The following ZFAT variants were observed in gnomAD, a reference collection of about 807,000 sequenced individuals.
ZFAT encodes zinc finger protein ZFAT.
A neutral mutation model predicts 117.7 loss-of-function variants in ZFAT; 64 were observed. The ratio of observed to expected loss-of-function variants is 0.54; its 90% CI spans 0.44 to 0.67. ZFAT has a LOEUF of 0.67. Among genes scored for constraint, ZFAT ranks in the 30% least tolerant of loss-of-function variants. The pLI is 0.00. For synonymous variants in ZFAT, 679 were observed against 615.0 expected (o/e 1.10, Z -1.54); for missense variants, 1,433 against 1,584.5 (o/e 0.90, Z 1.62).
chr8:134,572,693 C>A (rs1487199684), intron 10 of ZFAT, among the ~76,000 whole-genome samples: 2 of 152,104 alleles, frequency 1.3e-5, no homozygotes, highest in African/African-American at 4.8e-5. Context: ...TCATTCTGAG[C>A]CACACCTTGT....
intron 10 of ZFAT, among the ~76,000 whole-genome samples, chr8:134,581,595 G>C (rs866775914): frequency 6.6e-6 from 1 of 152,020 alleles, no homozygotes; most frequent in East Asian, 1.9e-4. Context: ...TTTTGGCAGG[G>C]GGGGTGTAGG....
the ZFAT span, among the ~76,000 whole-genome samples, chr8:134,826,895 C>T: frequency 5.3e-5 from 8 of 152,232 alleles, no homozygotes; most frequent in Admixed American, 3.3e-4. Flanking sequence ...TTTGTATTGA[C>T]GCTATAGGTA....
At chr8:134,818,550 A>C in the ZFAT span, among the ~76,000 whole-genome samples, 1 of 152,242 alleles carries the variant, frequency 6.6e-6, no homozygotes, top group Non-Finnish European at 1.5e-5. Flanking sequence ...CTAGGTAGGT[A>C]TAGAACATAT....
chr8:134,713,096 C>G, upstream of ZFAT: 2 of 432,540 alleles, frequency 4.6e-6, no homozygotes, highest in Non-Finnish European at 7.9e-6. Flanking sequence ...CTTCGGGTGA[C>G]CCTCCCCCGG....
chr8:134,819,318 C>T, the ZFAT span, among the ~76,000 whole-genome samples: 292 of 151,102 alleles, frequency 1.9e-3, 3 homozygotes, highest in African/African-American at 6.7e-3. Flanking sequence ...GTGAAGGATA[C>T]GGATTAAAAG....
At chr8:134,817,680 T>TA in the ZFAT span, among the ~76,000 whole-genome samples, 4 of 152,068 alleles carry the variant, frequency 2.6e-5, no homozygotes, top group African/African-American at 9.7e-5. Flanking sequence ...GCAAGCTTTT[T>TA]AAAAAAACTG....
chr8:134,681,469 A>G (rs182533470), intron 1 of ZFAT, among the ~76,000 whole-genome samples: 60 of 152,360 alleles, frequency 3.9e-4, no homozygotes, highest in Admixed American at 1.1e-3. Flanking sequence ...TAGGCACTCC[A>G]TAAGTGCTAG....
chr8:134,637,687 TCTCTTC>T lies in ZFAT; in HGVS notation c.216_221del (p.Lys73_Arg74del). On this transcript the variant is annotated inframe_deletion, in exon 3 of 16. Transcript: ENST00000377838. ...TCTTCGTGGACCCCTTAGGCCTGCCTCTCTTCCTCTTCATGACCAAAAACTCTACAG... is the reference window on the plus strand; with the variant it reads ...TCTTCGTGGACCCCTTAGGCCTGCCTCTCTTCATGACCAAAAACTCTACAG... 6.2e-7 allele frequency: 1 copy of T among 1,614,074 alleles called. No homozygotes were observed. Among genetic ancestry groups the T allele is most frequent in the Non-Finnish European group, 8.5e-7 (1 of 1,180,024 alleles).
intron 15 of ZFAT, among the ~76,000 whole-genome samples, chr8:134,503,915 A>AACAC (rs144794990): frequency 6.7e-6 from 1 of 149,228 alleles, no homozygotes; most frequent in African/African-American, 2.4e-5. Context: ...TTTGAACACA[A>AACAC]ACACACACAC....
At chr8:134,808,720 C>T in the ZFAT span, among the ~76,000 whole-genome samples, 5 of 152,156 alleles carry the variant, frequency 3.3e-5, no homozygotes, top group East Asian at 3.9e-4. Context: ...TTATTTGTAC[C>T]GCATGCTCAC....
chr8:134,676,856 T>A (rs1347718242), intron 1 of ZFAT, among the ~76,000 whole-genome samples: 1 of 152,112 alleles, frequency 6.6e-6, no homozygotes, highest in East Asian at 1.9e-4. Flanking sequence ...ACTGGGTACA[T>A]CACAAAATGA....
upstream of ZFAT, among the ~76,000 whole-genome samples, chr8:134,716,182 C>T (rs6992292): frequency 0.044 from 6,553 of 149,466 alleles, 497 homozygotes; most frequent in African/African-American, 0.15. Context: ...CACACACACA[C>T]ATATATATAT....
chr8:134,609,760 T>C (rs542783540), intron 4 of ZFAT, among the ~76,000 whole-genome samples: 69 of 152,358 alleles, frequency 4.5e-4, no homozygotes, highest in African/African-American at 1.5e-3. Context: ...CCTAGAGATC[T>C]TTTTTAAAAA....
intron 1 of ZFAT, among the ~76,000 whole-genome samples, chr8:134,708,856 G>A (rs1044788664): frequency 2.6e-5 from 4 of 152,196 alleles, no homozygotes; most frequent in Admixed American, 2.0e-4. Context: ...GGAGGCTGAG[G>A]CAGGAGAATC....
Position 134,478,336 on chromosome 8 carries a change from ACTAGGAGAGTC to A in ZFAT, c.*135_*145del. The A allele has an allele frequency of 1.6e-6, 2 of 1,262,026 alleles. No homozygotes were observed. Among genetic ancestry groups the A allele is most frequent in the Non-Finnish European group, 2.1e-6 (2 of 935,076 alleles). 78.2% of individuals were successfully genotyped at this position (1,262,026 alleles called of 1,614,324 possible). A position where few individuals can be genotyped will look rare whatever the true frequency, so the allele number is the denominator to read the frequency against. On this transcript the variant is annotated 3_prime_UTR_variant, in exon 16 of 16. Coordinates refer to ENST00000377838, the MANE Select transcript of ZFAT (RefSeq NM_020863.4). The surrounding 1 kb of genome is among the most constrained non-coding windows in gnomAD (Gnocchi z 5.2). ...GACTGCCTTGCCCACCCCAAGTTGGACTAGGAGAGTCCTATCAGGCTGCTGGGCAGGGAGGG... is the reference window on the plus strand; with the variant it reads ...GACTGCCTTGCCCACCCCAAGTTGGACTATCAGGCTGCTGGGCAGGGAGGG...
At chr8:134,535,401 T>C (rs1411295135) in intron 11 of ZFAT, among the ~76,000 whole-genome samples, 2 of 152,034 alleles carry the variant, frequency 1.3e-5, no homozygotes, top group Non-Finnish European at 2.9e-5. Context: ...TCTTTCATTT[T>C]TCCTTCTTTC....
At chr8:134,770,355 T>C in the ZFAT span, among the ~76,000 whole-genome samples, 1 of 152,240 alleles carries the variant, frequency 6.6e-6, no homozygotes, top group Non-Finnish European at 1.5e-5. Context: ...CATTTATTAG[T>C]TCCTTAAATT....
At chr8:134,482,406 T>C (rs983955446) in intron 15 of ZFAT, among the ~76,000 whole-genome samples, 8 of 152,300 alleles carry the variant, frequency 5.3e-5, no homozygotes, top group South Asian at 2.1e-4. Context: ...AGCTGACAGA[T>C]TGAGCCTTTA....
chr8:134,694,905 C>T (rs1833750674), intron 1 of ZFAT, among the ~76,000 whole-genome samples: 2 of 152,164 alleles, frequency 1.3e-5, no homozygotes, highest in African/African-American at 4.8e-5. Context: ...AATGTTGCCT[C>T]ATTATATATC....
Sources: gnomAD v4.1 joint callset for allele counts (sites outside exome capture counted in the v4.1 genomes callset) on GRCh38, gnomAD v4.1.1 for gene constraint, Gnocchi (gnomAD v3.1) non-coding constraint, MANE v1.5 for transcripts, NCBI Gene and HGNC (gene_info 2026-07-23, HGNC 2026-07-21) for gene names.